Variants in SMYD1 observed in about 807,000 individuals in gnomAD.
SMYD1 encodes the protein SET and MYND domain containing 1, also known as histone-lysine N-methyltransferase SMYD1.
Under a neutral mutation model 54.0 loss-of-function variants are expected in SMYD1, and 49 were observed. The ratio of observed to expected loss-of-function variants is 0.91; its 90% confidence interval spans 0.72 to 1.15. The LOEUF is 1.15. Ranked by LOEUF, SMYD1 falls within the 50% of genes most tolerant of loss-of-function variation. The probability of loss-of-function intolerance (pLI) is 0.00; values close to 1 mark genes in which losing one functional copy is unlikely to be tolerated. For synonymous variants in SMYD1, 269 were observed against 234.2 expected (o/e 1.15, Z -1.36); for missense variants, 653 against 639.6 (o/e 1.02, Z -0.23).
chr2:88,072,664 G>A (rs1409724987), intron 1 of SMYD1, among the ~76,000 whole-genome samples: 1 of 152,108 alleles, frequency 6.6e-6, no homozygotes, highest in Non-Finnish European at 1.5e-5. Context: ...TTAATTGGCA[G>A]ATTTTTTTTG....
At chr2:88,084,620 G>C in intron 2 of SMYD1, 128 bp downstream of exon 2, 2 of 839,976 alleles carry the variant, frequency 2.4e-6, no homozygotes, top group Non-Finnish European at 3.6e-6. Flanking sequence ...TCAAAGACTG[G>C]ATATGGTCAC....
At chr2:88,094,117 A>G (rs1387875755) in intron 5 of SMYD1, among the ~76,000 whole-genome samples, 1 of 152,016 alleles carries the variant, frequency 6.6e-6, no homozygotes, top group Non-Finnish European at 1.5e-5. Context: ...TGGGGTTGAC[A>G]GCTCTTGAAA....
At chr2:88,102,776 G>C (rs750853) in intron 6 of SMYD1, among the ~76,000 whole-genome samples, 22,074 of 152,232 alleles carry the variant, frequency 0.15, 1,893 homozygotes, top group Non-Finnish European at 0.2. Context: ...TCAATGTCAG[G>C]TTCTGCCCTG....
At chr2:88,079,900 G>A (rs978862370) in intron 1 of SMYD1, among the ~76,000 whole-genome samples, 1 of 152,192 alleles carries the variant, frequency 6.6e-6, no homozygotes, top group East Asian at 1.9e-4. Context: ...CAACGTCAAG[G>A]ATAAAATACT....
intron 8 of SMYD1, among the ~76,000 whole-genome samples, chr2:88,107,832 GCTGT>G (rs1015058994): frequency 3.9e-5 from 6 of 152,184 alleles, no homozygotes; most frequent in African/African-American, 1.2e-4. Flanking sequence ...TTTTCCAGGT[GCTGT>G]CTGTCACCCC....
chr2:88,077,800 T>A (rs546362367), intron 1 of SMYD1, among the ~76,000 whole-genome samples: 8 of 150,018 alleles, frequency 5.3e-5, no homozygotes, highest in African/African-American at 1.7e-4. Context: ...CTCGGCTCAC[T>A]GCAAGCTCCG....
chr2:88,100,729 G>A (rs575450781), intron 6 of SMYD1, among the ~76,000 whole-genome samples: 81 of 152,254 alleles, frequency 5.3e-4, no homozygotes, highest in Non-Finnish European at 8.5e-4. Context: ...ACAGCATTCC[G>A]GGGCACAAGG....
intron 4 of SMYD1, 45 bp from the exon 5 acceptor site, chr2:88,093,472 G>A (rs764548316): frequency 1.2e-6 from 2 of 1,612,230 alleles, no homozygotes; most frequent in Middle Eastern, 1.7e-4. Context: ...CACCTGATCA[G>A]CCAATGATAA....
At chr2:88,094,063 ACTTTT>A (rs1485923395) in intron 5 of SMYD1, among the ~76,000 whole-genome samples, 1 of 151,632 alleles carries the variant, frequency 6.6e-6, no homozygotes, top group Non-Finnish European at 1.5e-5. Flanking sequence ...GTTAAATTTT[ACTTTT>A]CTTAATGACA....
rs774059828 is a variant in SMYD1, at chr2:88,112,156, G to T, written c.*1644G>T. 1 of 703,268 alleles carries T rather than the reference G, an allele frequency of 1.4e-6. No homozygotes were observed. Among genetic ancestry groups the T allele is most frequent in the Non-Finnish European group, 2.6e-6 (1 of 385,050 alleles). The allele number at this position is 703,268 out of a possible 1,614,324, so 43.6% of individuals were successfully genotyped here. On this transcript the variant is annotated 3_prime_UTR_variant, in exon 10 of 10. Transcript: ENST00000419482. ...GCCCCCACATCACAGGCTTAGGGAC[G>T]GCACTAACTTTCTCCCAGGGATCTA...
At chr2:88,096,470 G>C (rs2197077) in intron 5 of SMYD1, 125 bp from the exon 6 acceptor site, 76,672 of 807,678 alleles carry the variant, frequency 0.095, 4,195 homozygotes, top group African/African-American at 0.16. Flanking sequence ...TGGGGTCAAT[G>C]GGAGTTTCTG....
rs1481581789 is a variant in SMYD1 at position 88,089,583 on chromosome 2, C to CTCTTTTTTTTTTTTTTTTTTTTTTTTTT, written c.529-1428_529-1427insCTTTTTTTTTTTTTTTTTTTTTTTTTTT. Among the ~76,000 whole-genome samples, 6 of 114,992 alleles carry CTCTTTTTTTTTTTTTTTTTTTTTTTTTT rather than the reference C, an allele frequency of 5.2e-5. 1 individual carries two copies. Among genetic ancestry groups the CTCTTTTTTTTTTTTTTTTTTTTTTTTTT allele is most frequent in the African/African-American group, 7.4e-5 (2 of 27,140 alleles). 75.4% of individuals were successfully genotyped at this position (114,992 alleles called of 152,430 possible). A position where few individuals can be genotyped will look rare whatever the true frequency, so the allele number is the denominator to read the frequency against. On this transcript the variant is annotated intron_variant, in intron 3 of 9. Transcript: ENST00000419482. ...TATTTTCAGGAGCCAGAGCTTCTAC[C>CTCTTTTTTTTTTTTTTTTTTTTTTTTTT]TGTTTTTTTTTTTTTTTTTTTTTTT... is the stretch of plus-strand genomic sequence containing the variant.
At position 88,110,379 on chromosome 2, in the gene SMYD1, A is replaced by C; in HGVS notation, c.1340A>C (p.Glu447Ala). 1 of 1,612,862 alleles carries C rather than the reference A, an allele frequency of 6.2e-7. No homozygotes were observed. The highest frequency in any genetic ancestry group is 1.3e-5 in the African/African-American group (1 of 75,002). ...LEAMRVQTEM[E>A]LRMFRQNEFM... ...GCCATGCGGGTGCAGACGGAGATGG[A>C]GCTACGCATGTTCCGCCAGAACGAA... Residue 447 changes from glutamate (E) to alanine (A), a missense_variant, in exon 10 of 10, where the codon GAG becomes GCG. Physicochemically the swap from Glu to Ala is moderately radical, Grantham distance 107. Transcript: ENST00000419482.
rs1674934893 is a variant in SMYD1, at chr2:88,108,457, T to TG, written c.1236dup (p.His413AlafsTer23). 6.2e-7 allele frequency: 1 copy of TG among 1,612,774 alleles called. No homozygotes were observed. The highest frequency in any genetic ancestry group is 8.5e-7 in the Non-Finnish European group (1 of 1,179,454). ...AACTGGCATGCTGGTAACATTGAGG[T>TG]GGGGCACGGGATGATCTGCAAAGCC... On this transcript the variant is annotated frameshift_variant, in exon 9 of 10. Coordinates refer to ENST00000419482, the MANE Select transcript of SMYD1 (RefSeq NM_198274.4). LOFTEE classifies it high-confidence loss of function.
Position 88,088,413 on chromosome 2 carries a change from G to A in SMYD1, c.528+338G>A, listed in dbSNP as rs185932267. Among the ~76,000 whole-genome samples, 15 of 152,172 alleles carry A rather than the reference G, an allele frequency of 9.9e-5. No individual in the cohort carries two copies. In the East Asian group the frequency reaches 1.7e-3, roughly 18 times the overall value. On this transcript the variant is annotated intron_variant, in intron 3 of 9. Transcript: ENST00000419482. ...AGGGGCCATGGTGACAGCTGGGATC[G>A]TCCAACTAAGAAGTTTCCAGAAACT...
intron 4 of SMYD1, among the ~76,000 whole-genome samples, chr2:88,091,983 G>A (rs905817876): frequency 6.6e-6 from 1 of 152,204 alleles, no homozygotes; most frequent in African/African-American, 2.4e-5. Context: ...AGGCCTGGAA[G>A]GGCAGGTGAA....
At chr2:88,074,059 T>A (rs553083560) in intron 1 of SMYD1, among the ~76,000 whole-genome samples, 1 of 152,114 alleles carries the variant, frequency 6.6e-6, no homozygotes, top group Non-Finnish European at 1.5e-5. Flanking sequence ...GAAGATGGGG[T>A]TTCACTATGT....
At chr2:88,107,312 C>T (rs1674900049) in intron 8 of SMYD1, among the ~76,000 whole-genome samples, 1 of 152,160 alleles carries the variant, frequency 6.6e-6, no homozygotes, top group Non-Finnish European at 1.5e-5. Flanking sequence ...AATAAGTTGA[C>T]ACACGTTCAT....
intron 6 of SMYD1, 43 bp downstream of exon 6, chr2:88,096,827 C>A (rs895020110): frequency 1.5e-5 from 23 of 1,577,906 alleles, no homozygotes; most frequent in Admixed American, 1.2e-4. Flanking sequence ...TCTGTCTTCT[C>A]CGGGAGCCAG....
Sources: allele counts gnomAD v4.1 joint callset (sites outside exome capture counted in the v4.1 genomes callset), GRCh38; gene constraint gnomAD v4.1.1; transcripts MANE v1.5; gene names NCBI Gene and HGNC (gene_info 2026-07-23, HGNC 2026-07-21).